COL19A1: variants seen among roughly 807,000 people sequenced by gnomAD.
The protein encoded by COL19A1 is collagen alpha-1(XIX) chain.
COL19A1 carries 159 observed loss-of-function variants against 190.2 expected under a neutral mutation model. The observed-to-expected ratio is 0.84, with a 90% CI of 0.73 to 0.95. COL19A1 has a LOEUF of 0.95. Among genes scored for constraint, COL19A1 ranks in the 40% least tolerant of loss-of-function variants. The probability of loss-of-function intolerance (pLI) is 0.00; values close to 1 mark genes in which losing one functional copy is unlikely to be tolerated. For missense variants in COL19A1, 1,418 were observed against 1,431.9 expected, an observed-to-expected ratio of 0.99 and a Z score of 0.16; for synonymous variants, 509 against 458.9, an observed-to-expected ratio of 1.11 and a Z score of -1.39.
At chr6:70,147,918 C>T (rs745675874) in intron 27 of COL19A1, among the ~76,000 whole-genome samples, 3 of 152,114 alleles carry the variant, frequency 2.0e-5, no homozygotes, top group Admixed American at 6.6e-5. Context: ...AATCAAGTAA[C>T]GCTTTCTTAC....
At chr6:69,936,956 T>C (rs1773154011) in intron 8 of COL19A1, 46 bp downstream of exon 8, 1 of 1,602,006 alleles carries the variant, frequency 6.2e-7, no homozygotes, top group South Asian at 1.1e-5. Context: ...CTCCAGACTA[T>C]GAGCCCAGCT....
intron 1 of COL19A1, among the ~76,000 whole-genome samples, chr6:69,869,103 G>A (rs985431838): frequency 6.6e-6 from 1 of 152,000 alleles, no homozygotes; most frequent in Non-Finnish European, 1.5e-5. Flanking sequence ...CATTGAGGAT[G>A]TACATCTTAA....
chr6:70,069,515 T>C (rs534280331), intron 15 of COL19A1, among the ~76,000 whole-genome samples: 1 of 152,272 alleles, frequency 6.6e-6, no homozygotes, highest in African/African-American at 2.4e-5. Context: ...AAAACACTCA[T>C]TGGCTTTCCA....
chr6:70,091,178 G>T (rs12210399), intron 15 of COL19A1, among the ~76,000 whole-genome samples: 8,621 of 152,188 alleles, frequency 0.057, 295 homozygotes, highest in South Asian at 0.11. Context: ...GGTCAGAGAT[G>T]ATACAGCCAA....
At chr6:69,884,836 G>C (rs758779487) in intron 2 of COL19A1, among the ~76,000 whole-genome samples, 9 of 151,116 alleles carry the variant, frequency 6.0e-5, no homozygotes, top group Admixed American at 2.6e-4. Context: ...ATATGATCTA[G>C]CTGCCTTCCT....
At chr6:70,080,936 GT>G (rs1453065392) in intron 15 of COL19A1, among the ~76,000 whole-genome samples, 2 of 152,144 alleles carry the variant, frequency 1.3e-5, no homozygotes, top group African/African-American at 4.8e-5. Context: ...AGTGAATGTG[GT>G]GTGTTTCTTT....
At chr6:70,106,539 T>C (rs910728176) in intron 16 of COL19A1, among the ~76,000 whole-genome samples, 1 of 152,344 alleles carries the variant, frequency 6.6e-6, no homozygotes, top group African/African-American at 2.4e-5. Context: ...TATTATTCAA[T>C]AGCAACTTTT....
At chr6:69,910,188 A>G (rs1464614253) in intron 4 of COL19A1, among the ~76,000 whole-genome samples, 2 of 152,188 alleles carry the variant, frequency 1.3e-5, no homozygotes, top group African/African-American at 2.4e-5. Context: ...ACCAAAGAAG[A>G]CTTAAGAACA....
chr6:69,914,656 T>A (rs182643627), intron 4 of COL19A1, among the ~76,000 whole-genome samples: 42 of 136,180 alleles, frequency 3.1e-4, no homozygotes, highest in African/African-American at 9.0e-4. Context: ...AACAAATAAA[T>A]AAAGCTTAGT....
At chr6:69,884,089 CT>C (rs1768745508) in intron 2 of COL19A1, among the ~76,000 whole-genome samples, 1 of 152,000 alleles carries the variant, frequency 6.6e-6, no homozygotes, top group Non-Finnish European at 1.5e-5. Context: ...AATCCCAGCA[CT>C]TTGGGAGGCC....
At chr6:69,948,949 G>C (rs539981190) in intron 9 of COL19A1, among the ~76,000 whole-genome samples, 3 of 151,934 alleles carry the variant, frequency 2.0e-5, no homozygotes, top group African/African-American at 7.2e-5. Context: ...ATCAGTTAAT[G>C]AGTGTGTCTG....
Position 70,130,293 on chromosome 6 carries a change from T to G in COL19A1, c.1383+70T>G. The G allele has an allele frequency of 2.2e-6, 3 of 1,335,296 alleles. No individual in the cohort carries two copies. In the Admixed American group the frequency reaches 5.9e-5, roughly 26 times the overall value. The allele number at this position is 1,335,296 out of a possible 1,614,324, so 82.7% of individuals were successfully genotyped here. On this transcript the variant is annotated intron_variant, in intron 18 of 50. Transcript: ENST00000620364. Reference sequence around the variant, plus strand: ...CAGGCTGGAGTGCAGTGGCACAATCTTGGCTCACTATAACCTCCACCTCCC... The same window carrying G: ...CAGGCTGGAGTGCAGTGGCACAATCGTGGCTCACTATAACCTCCACCTCCC...
intron 11 of COL19A1, among the ~76,000 whole-genome samples, chr6:69,999,029 A>G (rs1160382790): frequency 6.6e-6 from 1 of 151,460 alleles, no homozygotes; most frequent in Non-Finnish European, 1.5e-5. Context: ...GGTTCAAGTG[A>G]TTCTCCTGTC....
intron 44 of COL19A1, 66 bp from the exon 45 acceptor site, chr6:70,184,637 A>G (rs1766391478): frequency 1.6e-6 from 2 of 1,281,072 alleles, no homozygotes; most frequent in Admixed American, 4.1e-5. Flanking sequence ...TCGAAACCTT[A>G]TGCTTTTGTT....
chr6:69,932,881 G>GAA lies in COL19A1; in HGVS notation c.747+18_747+19insAA. On this transcript the variant is annotated intron_variant, in intron 7 of 50. Transcript: ENST00000620364. ...ATACTAAGGTAAGTTAATTTTCTTT[G>GAA]CATATGAAGAATGAAGAACGCCAAT... is the stretch of plus-strand genomic sequence containing the variant. 1.3e-6 allele frequency: 2 copies of GAA among 1,526,922 alleles called. No homozygotes were observed. The highest frequency in any genetic ancestry group is 1.8e-6 in the Non-Finnish European group (2 of 1,108,282). 94.6% of individuals were successfully genotyped at this position (1,526,922 alleles called of 1,614,324 possible). A position where few individuals can be genotyped will look rare whatever the true frequency, so the allele number is the denominator to read the frequency against.
Position 70,207,295 on chromosome 6 carries a change from G to C in COL19A1, c.*21G>C. On this transcript the variant is annotated 3_prime_UTR_variant, in exon 51 of 51. Coordinates refer to ENST00000620364, the MANE Select transcript of COL19A1 (RefSeq NM_001858.6). Reference sequence around the variant, plus strand: ...ATTGAACACACCTGAAGAAGACTTGGTTCCTGGTAACATTTCCTTGCCACT... The same window carrying C: ...ATTGAACACACCTGAAGAAGACTTGCTTCCTGGTAACATTTCCTTGCCACT... The C allele has an allele frequency of 3.1e-6, 5 of 1,599,218 alleles. No homozygotes were observed. The South Asian group carries it at 5.5e-5, about 18-fold the overall frequency.
At chr6:69,910,995 A>G (rs9446171) in intron 4 of COL19A1, among the ~76,000 whole-genome samples, 46,541 of 152,066 alleles carry the variant, frequency 0.31, 8,670 homozygotes, top group African/African-American at 0.52. Flanking sequence ...TTGACCTTTA[A>G]TAGTGCTTGA....
intron 14 of COL19A1, among the ~76,000 whole-genome samples, chr6:70,043,219 T>A: frequency 6.8e-6 from 1 of 147,916 alleles, no homozygotes; most frequent in South Asian, 2.1e-4. Flanking sequence ...TGAGAAGGAG[T>A]CTCGCTCTGT....
intron 14 of COL19A1, among the ~76,000 whole-genome samples, chr6:70,040,173 A>G (rs1006875540): frequency 6.6e-6 from 1 of 152,172 alleles, no homozygotes; most frequent in Non-Finnish European, 1.5e-5. Flanking sequence ...AAAATCTGAT[A>G]TGTAAAACCA....
Sources: gnomAD v4.1 joint callset for allele counts (sites outside exome capture counted in the v4.1 genomes callset) on GRCh38, gnomAD v4.1.1 for gene constraint, MANE v1.5 for transcripts, NCBI Gene and HGNC (gene_info 2026-07-23, HGNC 2026-07-21) for gene names.